The following DUSP3 variants were observed in gnomAD, a reference collection of about 807,000 sequenced individuals.
The protein encoded by DUSP3 is dual specificity protein phosphatase 3.
DUSP3 carries 7 observed loss-of-function variants against 15.5 expected under a neutral mutation model. That is an observed-to-expected ratio of 0.45 (90% CI 0.26 to 0.85). The LOEUF is 0.85. Ranked by LOEUF, DUSP3 falls within the 40% of genes least tolerant of loss-of-function variation. The pLI, the probability that DUSP3 is intolerant of heterozygous loss-of-function variation, is 0.18. For missense variants in DUSP3, 209 were observed against 251.7 expected (o/e 0.83, Z 1.15); for synonymous variants, 86 against 104.2 (o/e 0.83, Z 1.07).
Position 43,769,415 on chromosome 17 carries a change from C to G in DUSP3, c.*194G>C, listed in dbSNP as rs990045852. 1 of 593,808 alleles carries G rather than the reference C, an allele frequency of 1.7e-6. No homozygotes were observed. Among genetic ancestry groups the G allele is most frequent in the African/African-American group, 1.9e-5 (1 of 52,988 alleles). 36.8% of individuals were successfully genotyped at this position (593,808 alleles called of 1,614,324 possible). A position where few individuals can be genotyped will look rare whatever the true frequency, so the allele number is the denominator to read the frequency against. Reference sequence around the variant, plus strand: ...CAGGACAACTGGGGAGCAAGGACGCCCCCCTTGGCAAGCTTCTTTATGTGC... The same window carrying G: ...CAGGACAACTGGGGAGCAAGGACGCGCCCCTTGGCAAGCTTCTTTATGTGC... On this transcript the variant is annotated 3_prime_UTR_variant, in exon 3 of 3. Coordinates refer to ENST00000226004, the MANE Select transcript of DUSP3 (RefSeq NM_004090.4).
Position 43,769,337 on chromosome 17 carries a change from C to A in DUSP3, c.*272G>T. The A allele has an allele frequency of 4.4e-6, 2 of 451,822 alleles. No homozygotes were observed. The highest frequency in any genetic ancestry group is 8.0e-6 in the Non-Finnish European group (2 of 251,386). 28.0% of individuals were successfully genotyped at this position (451,822 alleles called of 1,614,324 possible). A position where few individuals can be genotyped will look rare whatever the true frequency, so the allele number is the denominator to read the frequency against. On this transcript the variant is annotated 3_prime_UTR_variant, in exon 3 of 3. Coordinates refer to ENST00000226004, the MANE Select transcript of DUSP3 (RefSeq NM_004090.4). Reference sequence around the variant, plus strand: ...CATCGGGAAGCATGCAGGCCACAGGCCTTCCCCCTCTGAGCCCCCATCTCA... The same window carrying A: ...CATCGGGAAGCATGCAGGCCACAGGACTTCCCCCTCTGAGCCCCCATCTCA...
intron 1 of DUSP3, among the ~76,000 whole-genome samples, chr17:43,777,036 G>A (rs1376158289): frequency 1.3e-5 from 2 of 151,894 alleles, no homozygotes; most frequent in Non-Finnish European, 2.9e-5. Context: ...GCAACGGTAC[G>A]ATCTTGGCTC....
At position 43,767,866 on chromosome 17, in the gene DUSP3, C is replaced by T. The variant is rs1598299342; in HGVS notation, c.*1743G>A. ...CTGCTTCTGTGTGATCAGAGACCTT[C>T]CCAGCCGGGAGTGAGGCCTTACGCC... On this transcript the variant is annotated 3_prime_UTR_variant, in exon 3 of 3. Coordinates refer to ENST00000226004, the MANE Select transcript of DUSP3 (RefSeq NM_004090.4). 2.0e-5 allele frequency: 3 copies of T among 152,204 alleles called. No homozygotes were observed. Among genetic ancestry groups the T allele is most frequent in the East Asian group, 3.9e-4 (2 of 5,192 alleles). The allele number at this position is 152,204 out of a possible 1,614,324, so 9.4% of individuals were successfully genotyped here.
rs138737403 is a variant in DUSP3, at chr17:43,771,817, T to G, written c.353-2003A>C. 1.0e-2 allele frequency among the ~76,000 whole-genome samples: 1,516 copies of G among 152,296 alleles called. 20 individuals are homozygous for G. The highest frequency in any genetic ancestry group is 0.034 in the African/African-American group (1,393 of 41,570). On this transcript the variant is annotated intron_variant, in intron 2 of 2. Transcript: ENST00000226004. ...TGAAGTCAGGAGTTCGAGACCATCC[T>G]GGCCAACATGGCGAAACCCCGTTTC...
intron 1 of DUSP3, chr17:43,777,404 A>C: frequency 2.3e-6 from 1 of 426,578 alleles, no homozygotes. Flanking sequence ...GATGGAATGG[A>C]TGAGAACTGT....
At position 43,769,262 on chromosome 17, in the gene DUSP3, C is replaced by A; in HGVS notation, c.*347G>T. ...TTGGGGAAGGGAGGTCATGAGGGACCTCTGTGAGCATCTTAGGCCTTACAC... is the reference window on the plus strand; with the variant it reads ...TTGGGGAAGGGAGGTCATGAGGGACATCTGTGAGCATCTTAGGCCTTACAC... On this transcript the variant is annotated 3_prime_UTR_variant, in exon 3 of 3. Coordinates refer to ENST00000226004, the MANE Select transcript of DUSP3 (RefSeq NM_004090.4). 1 of 270,746 alleles carries A rather than the reference C, an allele frequency of 3.7e-6. No homozygotes were observed. The highest frequency in any genetic ancestry group is 4.8e-5 in the South Asian group (1 of 21,052). 16.8% of individuals were successfully genotyped at this position (270,746 alleles called of 1,614,324 possible).
chr17:43,773,755 G>T (rs1178288145), intron 2 of DUSP3, among the ~76,000 whole-genome samples: 2 of 152,056 alleles, frequency 1.3e-5, no homozygotes, highest in Non-Finnish European at 2.9e-5. Context: ...TTGAGCCCAG[G>T]AGTTGGAGAC....
chr17:43,771,291 T>C (rs1974316860), intron 2 of DUSP3, among the ~76,000 whole-genome samples: 1 of 152,094 alleles, frequency 6.6e-6, no homozygotes, highest in Non-Finnish European at 1.5e-5. Flanking sequence ...AATCTGTACA[T>C]GTTCAGTACA....
intron 1 of DUSP3, chr17:43,777,635 A>G (rs1402047957): frequency 4.5e-6 from 2 of 444,366 alleles, no homozygotes; most frequent in Non-Finnish European, 9.1e-6. Flanking sequence ...TCAACATGCC[A>G]TCCTTGGGCT....
At chr17:43,778,229 A>C (rs926131463) in intron 1 of DUSP3, 26 of 152,516 alleles carry the variant, frequency 1.7e-4, no homozygotes, top group African/African-American at 6.0e-4. Flanking sequence ...ATCTCCTGTA[A>C]ATCAAATCAC....
Position 43,774,887 on chromosome 17 carries a change from C to T in DUSP3, c.177G>A (p.Val59=). The T allele has an allele frequency of 6.2e-7, 1 of 1,614,220 alleles. No individual in the cohort carries two copies. Among genetic ancestry groups the T allele is most frequent in the Non-Finnish European group, 8.5e-7 (1 of 1,180,042 alleles). ...AGGACCTGCCCTCAGCCGCGTTCAG[C>T]ACATGGGTGATGCCTAGTTTCTGCA... is the stretch of plus-strand genomic sequence containing the variant. The part of the protein sequence containing the change: ...PKLQKLGITH[V]LNAAEGRSFM... The change falls in exon 2 of 3, where the codon GTG becomes GTA. Residue 59 remains valine, a synonymous_variant. Coordinates refer to ENST00000226004, the MANE Select transcript of DUSP3 (RefSeq NM_004090.4).
chr17:43,770,339 C>T lies in DUSP3; in HGVS notation c.353-525G>A, dbSNP rs751310608. Among the ~76,000 whole-genome samples the T allele has an allele frequency of 4.6e-5, 7 of 152,320 alleles. 1 individual carries two copies. The South Asian group carries it at 1.0e-3, about 23-fold the overall frequency. On this transcript the variant is annotated intron_variant, in intron 2 of 2. Transcript: ENST00000226004. Reference sequence around the variant, plus strand: ...TGGATGAGCCCACAGAGTAGGAAAGCGGGCAAAACCATCTGTGCTGTCAGA... The same window carrying T: ...TGGATGAGCCCACAGAGTAGGAAAGTGGGCAAAACCATCTGTGCTGTCAGA...
At position 43,769,207 on chromosome 17, in the gene DUSP3, G is replaced by A. The variant is rs1974279381; in HGVS notation, c.*402C>T. ...TTCCTTTACTAGGGCTCAAGGTGTT[G>A]AGGTCCACACTCAAGAGAGGATTCG... On this transcript the variant is annotated 3_prime_UTR_variant, in exon 3 of 3. Transcript: ENST00000226004. 1 of 212,076 alleles carries A rather than the reference G, an allele frequency of 4.7e-6. No individual in the cohort carries two copies. The highest frequency in any genetic ancestry group is 2.4e-5 in the African/African-American group (1 of 42,226). The allele number at this position is 212,076 out of a possible 1,614,324, so 13.1% of individuals were successfully genotyped here.
intron 1 of DUSP3, among the ~76,000 whole-genome samples, chr17:43,776,044 G>A (rs755850892): frequency 1.2e-4 from 19 of 152,180 alleles, no homozygotes; most frequent in African/African-American, 4.3e-4. Context: ...ACTTGAACCC[G>A]GGAGGTGGAG....
rs1204202789 is a variant in DUSP3, at chr17:43,766,478, C to T, written c.*3131G>A. ...TTCCTGCGAGAAAAGCTCATGTCTT[C>T]ATATTGAAGATCAGTACTTTTTTTT... is the stretch of plus-strand genomic sequence containing the variant. On this transcript the variant is annotated 3_prime_UTR_variant, in exon 3 of 3. Coordinates refer to ENST00000226004, the MANE Select transcript of DUSP3 (RefSeq NM_004090.4). The T allele has an allele frequency of 6.6e-6, 1 of 151,488 alleles. No individual in the cohort carries two copies. Among genetic ancestry groups the T allele is most frequent in the East Asian group, 1.9e-4 (1 of 5,178 alleles). 9.4% of individuals were successfully genotyped at this position (151,488 alleles called of 1,614,324 possible).
chr17:43,778,768 A>G, intron 1 of DUSP3, 32 bp downstream of exon 1: 1 of 1,499,108 alleles, frequency 6.7e-7, no homozygotes, highest in Non-Finnish European at 8.9e-7. Context: ...CCCGAGAGGG[A>G]CGGCGGGGCC....
intron 2 of DUSP3, among the ~76,000 whole-genome samples, chr17:43,771,232 G>A (rs769353397): frequency 1.1e-4 from 16 of 151,850 alleles, no homozygotes; most frequent in South Asian, 2.1e-4. Flanking sequence ...CCAAGACAAT[G>A]TAAACATTTA....
intron 1 of DUSP3, among the ~76,000 whole-genome samples, chr17:43,777,337 T>C (rs1002239024): frequency 3.3e-5 from 5 of 152,312 alleles, no homozygotes; most frequent in African/African-American, 4.8e-5. Context: ...ATCTCTACTA[T>C]GAATGAACAT....
rs980147331 is a variant in DUSP3 at position 43,766,343 on chromosome 17, A to T, written c.*3266T>A. ...AGCTTCCAACGAATCTGTTCTCTCAACCGGAAATGTCTTCTATTTCCAATC... is the reference window on the plus strand; with the variant it reads ...AGCTTCCAACGAATCTGTTCTCTCATCCGGAAATGTCTTCTATTTCCAATC... On this transcript the variant is annotated 3_prime_UTR_variant, in exon 3 of 3. Transcript: ENST00000226004. 6.6e-5 allele frequency: 10 copies of T among 152,176 alleles called. No individual in the cohort carries two copies. The highest frequency in any genetic ancestry group is 1.5e-4 in the Non-Finnish European group (10 of 68,024). 9.4% of individuals were successfully genotyped at this position (152,176 alleles called of 1,614,324 possible). A position where few individuals can be genotyped will look rare whatever the true frequency, so the allele number is the denominator to read the frequency against.
Sources: gnomAD v4.1 joint callset for allele counts (sites outside exome capture counted in the v4.1 genomes callset) on GRCh38, gnomAD v4.1.1 for gene constraint, MANE v1.5 for transcripts, NCBI Gene and HGNC (gene_info 2026-07-23, HGNC 2026-07-21) for gene names.